The following DIS3L2 variants were observed in gnomAD, a reference collection of about 807,000 sequenced individuals.
DIS3L2 encodes the protein DIS3-like exonuclease 2.
In DIS3L2, 34 loss-of-function variants were observed where a neutral mutation model predicts 97.5. That is an observed-to-expected ratio of 0.35 (90% CI 0.27 to 0.46). DIS3L2 has a LOEUF of 0.46. Ranked by LOEUF, DIS3L2 falls within the 20% of genes least tolerant of loss-of-function variation. The pLI is 1.00. For synonymous variants in DIS3L2, 435 were observed against 445.2 expected (o/e 0.98, Z 0.29); for missense variants, 1,038 against 1,146.0 (o/e 0.91, Z 1.36).
chr2:232,298,648 G>A (rs148316154), intron 13 of DIS3L2, among the ~76,000 whole-genome samples: 1 of 152,212 alleles, frequency 6.6e-6, no homozygotes, highest in Non-Finnish European at 1.5e-5. Context: ...AGTATCTAAT[G>A]ATGCAGATCA....
chr2:232,069,919 C>T (rs1244861551), intron 5 of DIS3L2, among the ~76,000 whole-genome samples: 1 of 152,164 alleles, frequency 6.6e-6, no homozygotes, highest in Non-Finnish European at 1.5e-5. Context: ...ATTACATAAG[C>T]TAATAAGTTA....
chr2:232,242,924 T>C (rs1171371751), intron 11 of DIS3L2, among the ~76,000 whole-genome samples: 1 of 152,196 alleles, frequency 6.6e-6, no homozygotes, highest in East Asian at 1.9e-4. Context: ...TTGGTATTTA[T>C]TGAGTACCAG....
chr2:232,327,026 C>T (rs7560387), intron 14 of DIS3L2, among the ~76,000 whole-genome samples: 16,666 of 151,886 alleles, frequency 0.11, 1,169 homozygotes, highest in African/African-American at 0.23. Context: ...TCCCCTCCCT[C>T]CTGTCCTTGT....
chr2:232,291,626 G>A (rs907052206), intron 13 of DIS3L2, among the ~76,000 whole-genome samples: 1 of 152,226 alleles, frequency 6.6e-6, no homozygotes, highest in African/African-American at 2.4e-5. Context: ...GTTTGAACTG[G>A]AGCAATCCTG....
chr2:232,084,514 A>G (rs1696511470), intron 5 of DIS3L2, among the ~76,000 whole-genome samples: 1 of 152,200 alleles, frequency 6.6e-6, no homozygotes, highest in Non-Finnish European at 1.5e-5. Context: ...CAACCTGTGT[A>G]TCAGTGCCCT....
chr2:232,302,990 G>A (rs183680797), intron 14 of DIS3L2, among the ~76,000 whole-genome samples: 119 of 152,228 alleles, frequency 7.8e-4, no homozygotes, highest in African/African-American at 2.6e-3. Flanking sequence ...CTCTCTGGCC[G>A]GGATATCATG....
chr2:232,283,498 CCTT>C (rs1268943134), intron 13 of DIS3L2, among the ~76,000 whole-genome samples: 1 of 152,186 alleles, frequency 6.6e-6, no homozygotes, highest in African/African-American at 2.4e-5. Context: ...CTCAGGCAGT[CCTT>C]CTGCCTCTGC....
At chr2:232,247,493 A>T (rs1443362087) in intron 11 of DIS3L2, among the ~76,000 whole-genome samples, 3 of 151,662 alleles carry the variant, frequency 2.0e-5, no homozygotes, top group Non-Finnish European at 4.4e-5. Context: ...TGTCTTATAA[A>T]GTCACCAGTC....
chr2:232,110,683 C>T (rs1697500252), intron 6 of DIS3L2, among the ~76,000 whole-genome samples: 1 of 152,096 alleles, frequency 6.6e-6, no homozygotes, highest in Non-Finnish European at 1.5e-5. Flanking sequence ...GAACAATACA[C>T]ACCGGGGCCT....
intron 5 of DIS3L2, among the ~76,000 whole-genome samples, chr2:232,043,795 A>T (rs1695169454): frequency 6.6e-6 from 1 of 152,354 alleles, no homozygotes; most frequent in East Asian, 1.9e-4. Context: ...TTTACTTGGT[A>T]ATATTTATAA....
chr2:232,260,831 G>C lies in DIS3L2; in HGVS notation c.1426-2376G>C, dbSNP rs148158420. On this transcript the variant is annotated intron_variant, in intron 12 of 20. Transcript: ENST00000325385. ...AGCTGTATTCCCTGGAGGCTTTGTG[G>C]TGTGAACAGCACCTGGGCTGGGCTC... The C allele has an allele frequency of 7.9e-5, 12 of 152,344 alleles. No individual in the cohort carries two copies. In the East Asian group the frequency reaches 2.1e-3, roughly 27 times the overall value. The allele number at this position is 152,344 out of a possible 1,614,324, so 9.4% of individuals were successfully genotyped here. A position where few individuals can be genotyped will look rare whatever the true frequency, so the allele number is the denominator to read the frequency against.
chr2:231,992,722 G>A (rs979169206), intron 1 of DIS3L2, among the ~76,000 whole-genome samples: 1 of 152,016 alleles, frequency 6.6e-6, no homozygotes, highest in Non-Finnish European at 1.5e-5. Context: ...TAGTGACATA[G>A]GGCTTCATTG....
chr2:232,310,153 C>T (rs1695085829), intron 14 of DIS3L2, among the ~76,000 whole-genome samples: 1 of 152,204 alleles, frequency 6.6e-6, no homozygotes, highest in Admixed American at 6.5e-5. Flanking sequence ...TCCAGGCCTC[C>T]CAGACACTGC....
At chr2:232,015,471 C>T in intron 2 of DIS3L2, 43 bp from the exon 3 acceptor site, 2 of 1,595,390 alleles carry the variant, frequency 1.3e-6, no homozygotes, top group Non-Finnish European at 1.7e-6. Context: ...TAAAAATACA[C>T]AGATGTTTGA....
chr2:232,014,783 A>G, intron 1 of DIS3L2, 52 bp from the exon 2 acceptor site: 2 of 742,408 alleles, frequency 2.7e-6, no homozygotes, highest in Non-Finnish European at 4.2e-6. Flanking sequence ...GAGAGGACAG[A>G]GGAGGCTACA....
chr2:232,323,211 C>T (rs1695483939), intron 14 of DIS3L2, among the ~76,000 whole-genome samples: 2 of 152,238 alleles, frequency 1.3e-5, no homozygotes, highest in African/African-American at 4.8e-5. Flanking sequence ...CCTGGTTCTG[C>T]TTGGGGGCAG....
intron 13 of DIS3L2, among the ~76,000 whole-genome samples, chr2:232,296,461 C>G (rs1425071338): frequency 1.3e-5 from 2 of 152,142 alleles, no homozygotes; most frequent in Admixed American, 6.5e-5. Context: ...GCTCTGTGTC[C>G]CCACTCAAAT....
At chr2:232,198,989 C>T (rs1454420844) in intron 9 of DIS3L2, among the ~76,000 whole-genome samples, 1 of 152,158 alleles carries the variant, frequency 6.6e-6, no homozygotes, top group Non-Finnish European at 1.5e-5. Flanking sequence ...CAATGAATTT[C>T]AGCACTGTTT....
At position 232,087,714 on chromosome 2, in the gene DIS3L2, T is replaced by C; in HGVS notation, c.594T>C (p.Ser198=). ...TTAAGAAACTCTCAGTTTGTGTTTC[T>C]GAGAAAGGTGAGTACTAGACTATTG... ...DGVKKLSVCV[S]EKGREDGDAP... The change falls in exon 6 of 21, where the codon TCT becomes TCC. Residue 198 remains serine (S), a synonymous_variant. Transcript: ENST00000325385. 1 of 1,613,308 alleles carries C rather than the reference T, an allele frequency of 6.2e-7. No homozygotes were observed. The highest frequency in any genetic ancestry group is 2.2e-5 in the East Asian group (1 of 44,868).
Sources: gnomAD v4.1 joint callset for allele counts (sites outside exome capture counted in the v4.1 genomes callset) on GRCh38, gnomAD v4.1.1 for gene constraint, MANE v1.5 for transcripts, NCBI Gene and HGNC (gene_info 2026-07-23, HGNC 2026-07-21) for gene names.